The following PCDHGB5 variants were observed in gnomAD, a reference collection of about 807,000 sequenced individuals.
PCDHGB5 encodes the protein protocadherin gamma subfamily B, 5.
Under a neutral mutation model 62.9 loss-of-function variants are expected in PCDHGB5, and 48 were observed. That is an observed-to-expected ratio of 0.76 (90% CI 0.61 to 0.97). The LOEUF is 0.97. PCDHGB5 is among the 50% of genes least tolerant of loss of function. The probability of loss-of-function intolerance (pLI) is 0.00; values close to 1 mark genes in which losing one functional copy is unlikely to be tolerated. For synonymous variants in PCDHGB5, 474 were observed against 511.2 expected (o/e 0.93, Z 0.98); for missense variants, 1,118 against 1,198.6 (o/e 0.93, Z 0.99).
chr5:141,428,057 G>T, intron 1 of PCDHGB5: 1 of 1,609,044 alleles, frequency 6.2e-7, no homozygotes, highest in Non-Finnish European at 8.5e-7. Flanking sequence ...AGGTGGTGGC[G>T]GTGGACGCAG....
intron 1 of PCDHGB5, among the ~76,000 whole-genome samples, chr5:141,420,701 T>C (rs371823252): frequency 7.2e-5 from 11 of 152,226 alleles, no homozygotes; most frequent in Admixed American, 5.9e-4. Flanking sequence ...TATTTCCACT[T>C]CCAGAAATGT....
At position 141,491,065 on chromosome 5, in the gene PCDHGB5, C is replaced by T; in HGVS notation, c.2398-3742C>T. On this transcript the variant is annotated intron_variant, in intron 1 of 3. Transcript: ENST00000617380. This position sits in a 1 kb window ranked among gnomAD's most constrained non-coding sequence, Gnocchi z 6.9. ...CCACAATGCGTGGCTCTCCTACTCA[C>T]TGTTGCCACAGTCCACAGCCCCAGG... 4 of 1,614,210 alleles carry T rather than the reference C, an allele frequency of 2.5e-6. No individual in the cohort carries two copies. Among genetic ancestry groups the T allele is most frequent in the Admixed American group, 1.7e-5 (1 of 60,030 alleles).
intron 1 of PCDHGB5, chr5:141,408,334 C>T (rs2095086638): frequency 1.2e-6 from 2 of 1,613,910 alleles, no homozygotes; most frequent in East Asian, 2.2e-5. Context: ...TGGCCAAGGG[C>T]TCGGTGGTGG....
intron 2 of PCDHGB5, among the ~76,000 whole-genome samples, chr5:141,500,682 G>A (rs1661676761): frequency 6.6e-6 from 1 of 152,044 alleles, no homozygotes; most frequent in African/African-American, 2.4e-5. Context: ...CAGAATTATA[G>A]CTTTTTTCTT....
At chr5:141,435,050 C>A (rs2154556494) in intron 1 of PCDHGB5, among the ~76,000 whole-genome samples, 1 of 151,994 alleles carries the variant, frequency 6.6e-6, no homozygotes, top group East Asian at 1.9e-4. Flanking sequence ...TCCCATTGAC[C>A]ATGCAGCAGT....
At chr5:141,411,578 T>C (rs892738350) in intron 1 of PCDHGB5, 10 of 152,194 alleles carry the variant, frequency 6.6e-5, no homozygotes, top group African/African-American at 2.4e-4. Flanking sequence ...AGTGCGACCC[T>C]GTCTCTAAAA....
chr5:141,402,973 C>G (rs779898665), intron 1 of PCDHGB5: 1 of 1,607,926 alleles, frequency 6.2e-7, no homozygotes. Context: ...CAACCAAATG[C>G]CAGCTCCGCG....
chr5:141,415,651 A>C, intron 1 of PCDHGB5: 1 of 1,595,106 alleles, frequency 6.3e-7, no homozygotes. Context: ...TAAAAAAAAA[A>C]AGATTGGTTT....
chr5:141,412,998 T>G, intron 1 of PCDHGB5: 1 of 586,036 alleles, frequency 1.7e-6, no homozygotes, highest in Non-Finnish European at 2.9e-6. Context: ...ATCCGGATTC[T>G]CAGGGCTTCA....
At position 141,421,233 on chromosome 5, in the gene PCDHGB5, G is replaced by A. The variant is rs201076931; in HGVS notation, c.2397+20709G>A. Reference sequence around the variant, plus strand: ...ATATCGGCTTAGAGCCTGCCATGGCGAATCGGCTACAGCGCGGGGACCGCA... The same window carrying A: ...ATATCGGCTTAGAGCCTGCCATGGCAAATCGGCTACAGCGCGGGGACCGCA... On this transcript the variant is annotated intron_variant, in intron 1 of 3. Coordinates refer to ENST00000617380, the MANE Select transcript of PCDHGB5 (RefSeq NM_018925.3). 1.4e-3 allele frequency: 2,185 copies of A among 1,592,236 alleles called. 58 individuals are homozygous for A. In the South Asian group the frequency reaches 0.024, roughly 17 times the overall value.
In PCDHGB5 at chr5:141,476,656, T is replaced by A. The variant is rs190269177; in HGVS notation, c.2398-18151T>A. 6.2e-7 allele frequency: 1 copy of A among 1,614,210 alleles called. No individual in the cohort carries two copies. The highest frequency in any genetic ancestry group is 1.3e-5 in the African/African-American group (1 of 75,064). ...ATGAGCTGAGCCGAAATGAATACTTTGCGCTTCGCGTGCAGACGCGGGAGG... is the reference window on the plus strand; with the variant it reads ...ATGAGCTGAGCCGAAATGAATACTTAGCGCTTCGCGTGCAGACGCGGGAGG... On this transcript the variant is annotated intron_variant, in intron 1 of 3. Coordinates refer to ENST00000617380, the MANE Select transcript of PCDHGB5 (RefSeq NM_018925.3). This position sits in a 1 kb window ranked among gnomAD's most constrained non-coding sequence, Gnocchi z 7.6.
At chr5:141,505,298 T>TA in intron 2 of PCDHGB5, 95 bp from the exon 3 acceptor site, 1 of 1,586,334 alleles carries the variant, frequency 6.3e-7, no homozygotes, top group Non-Finnish European at 8.6e-7. Context: ...GGGGTAGGGT[T>TA]AGGGTACTAG....
intron 1 of PCDHGB5, among the ~76,000 whole-genome samples, chr5:141,492,421 C>G (rs986772215): frequency 5.9e-5 from 9 of 152,250 alleles, no homozygotes; most frequent in African/African-American, 1.9e-4. Context: ...CTCCCTCCGC[C>G]GGGCTCAGGA....
intron 1 of PCDHGB5, chr5:141,410,784 G>T (rs1352997810): frequency 1.2e-6 from 1 of 817,034 alleles, no homozygotes; most frequent in Non-Finnish European, 1.7e-6. Context: ...CTATGTATTT[G>T]GTTCATAAGT....
intron 2 of PCDHGB5, among the ~76,000 whole-genome samples, chr5:141,497,126 C>T (rs565697662): frequency 8.2e-4 from 125 of 151,844 alleles, no homozygotes; most frequent in African/African-American, 3.0e-3. Flanking sequence ...GCAGAGGTTG[C>T]AGTGAGCTGA....
At chr5:141,401,728 T>G (rs1476616709) in intron 1 of PCDHGB5, among the ~76,000 whole-genome samples, 2 of 152,174 alleles carry the variant, frequency 1.3e-5, no homozygotes, top group Non-Finnish European at 2.9e-5. Context: ...AAACTACTAG[T>G]CTTGTGTACA....
rs778744503 is a variant in PCDHGB5, at chr5:141,511,152, G to C, written c.2751G>C (p.Ser917=). 2 of 1,614,140 alleles carry C rather than the reference G, an allele frequency of 1.2e-6. No individual in the cohort carries two copies. Among genetic ancestry groups the C allele is most frequent in the South Asian group, 2.2e-5 (2 of 91,086 alleles). The change falls in exon 4 of 4, where the codon TCG becomes TCC. Residue 917 remains serine, a synonymous_variant. Coordinates refer to ENST00000617380, the MANE Select transcript of PCDHGB5 (RefSeq NM_018925.3). ...PAGGNGNKKK[S]GKKEKK ...GTGGCAATGGCAACAAGAAGAAGTC[G>C]GGCAAGAAGGAGAAGAAGTAACATG...
chr5:141,433,389 A>G (rs1157605590), intron 1 of PCDHGB5, among the ~76,000 whole-genome samples: 2 of 151,108 alleles, frequency 1.3e-5, no homozygotes, highest in African/African-American at 2.4e-5. Context: ...CTATCTATCT[A>G]TCTATCTATC....
chr5:141,477,629 C>T lies in PCDHGB5; in HGVS notation c.2398-17178C>T, dbSNP rs1191573380. 6.2e-7 allele frequency: 1 copy of T among 1,614,158 alleles called. No homozygotes were observed. Reference sequence around the variant, plus strand: ...CTTGGAGCAAGGAGCTGAAACCGGGCTAGTGGGTCGCTATTTCACAATAAA... The same window carrying T: ...CTTGGAGCAAGGAGCTGAAACCGGGTTAGTGGGTCGCTATTTCACAATAAA... On this transcript the variant is annotated intron_variant, in intron 1 of 3. Coordinates refer to ENST00000617380, the MANE Select transcript of PCDHGB5 (RefSeq NM_018925.3). The surrounding 1 kb of genome is among the most constrained non-coding windows in gnomAD (Gnocchi z 4.9).
Sources: allele counts gnomAD v4.1 joint callset (sites outside exome capture counted in the v4.1 genomes callset), GRCh38; gene constraint gnomAD v4.1.1; non-coding constraint Gnocchi (gnomAD v3.1); transcripts MANE v1.5; gene names NCBI Gene and HGNC (gene_info 2026-07-23, HGNC 2026-07-21).